Variants in ABCG1 observed in about 807,000 individuals in gnomAD.
ABCG1 encodes the protein ATP binding cassette subfamily G member 1.
In ABCG1, 29 loss-of-function variants were observed where a neutral mutation model predicts 69.2. The ratio of observed to expected loss-of-function variants is 0.42; its 90% CI spans 0.31 to 0.57. The LOEUF is 0.57. Among genes scored for constraint, ABCG1 ranks in the 20% least tolerant of loss-of-function variants. The pLI is 0.15. For synonymous variants in ABCG1, 370 were observed against 374.8 expected (o/e 0.99, Z 0.15); for missense variants, 718 against 898.1 (o/e 0.80, Z 2.56).
intron 7 of ABCG1, among the ~76,000 whole-genome samples, chr21:42,285,202 A>G (rs892839507): frequency 5.9e-5 from 9 of 152,042 alleles, no homozygotes; most frequent in Non-Finnish European, 1.2e-4. Context: ...TTTGGTTTAT[A>G]AATCTTAGGT....
chr21:42,229,938 C>T (rs2067876749), intron 2 of ABCG1, among the ~76,000 whole-genome samples: 1 of 152,200 alleles, frequency 6.6e-6, no homozygotes, highest in African/African-American at 2.4e-5. Flanking sequence ...CACATGATTT[C>T]CCCCAAAACA....
At chr21:42,257,956 C>T (rs142544282) in intron 2 of ABCG1, among the ~76,000 whole-genome samples, 1,689 of 148,252 alleles carry the variant, frequency 0.011, 14 homozygotes, top group Middle Eastern at 0.021. Context: ...GCCTCTCCAT[C>T]CATCCCTCCA....
Position 42,290,065 on chromosome 21 carries a change from C to T in ABCG1, c.1240C>T (p.Arg414Cys), listed in dbSNP as rs1304552863. ...IMRDSVLTHL[R>C]ITSHIGIGLL... is the part of the protein sequence containing the mutation. ...CTGTCCCCAGGTCCTGACACACCTG[C>T]GCATCACCTCGCACATTGGGATCGG... is the stretch of plus-strand genomic sequence containing the variant. The change falls in exon 11 of 15, where the codon CGC becomes TGC. Residue 414 changes from arginine to cysteine, a missense_variant. Physicochemically the swap from Arg to Cys is radical, Grantham distance 180 (BLOSUM62 -3). Around this residue, in one of 2 missense-constraint regions of ABCG1, gnomAD observed 514 missense variants for 574.3 expected, o/e 0.90. Transcript: ENST00000398449. 8 of 1,614,096 alleles carry T rather than the reference C, an allele frequency of 5.0e-6. No homozygotes were observed. The highest frequency in any genetic ancestry group is 6.8e-6 in the Non-Finnish European group (8 of 1,180,048).
chr21:42,262,295 T>C (rs1248761740), intron 2 of ABCG1, among the ~76,000 whole-genome samples: 1 of 150,934 alleles, frequency 6.6e-6, no homozygotes, highest in East Asian at 1.9e-4. Context: ...GCAAGAATTC[T>C]TCTTTTTTCT....
rs754848135 is a variant in ABCG1 at position 42,286,006 on chromosome 21, C to T, written c.973+12C>T. The T allele has an allele frequency of 1.9e-6, 3 of 1,572,776 alleles. No homozygotes were observed. The highest frequency in any genetic ancestry group is 1.4e-5 in the African/African-American group (1 of 74,014). The stretch of plus-strand genomic sequence containing the variant: ...CCCAGCAGATTTTGGTAAGCGGAGT[C>T]CTGAGCAGCTCGGGGGACAGAAAGG... On this transcript the variant is annotated intron_variant, in intron 8 of 14. Coordinates refer to ENST00000398449, the MANE Select transcript of ABCG1 (RefSeq NM_016818.3).
At chr21:42,266,291 A>C (rs1030084036) in intron 2 of ABCG1, among the ~76,000 whole-genome samples, 1 of 151,662 alleles carries the variant, frequency 6.6e-6, no homozygotes, top group South Asian at 2.1e-4. Context: ...ACAGAGCGAG[A>C]CTCTGTCTCA....
intron 2 of ABCG1, chr21:42,259,902 C>T (rs2068375853): frequency 1.4e-6 from 2 of 1,452,538 alleles, no homozygotes. Flanking sequence ...AAGAAGGCCC[C>T]CAGGCTTGAG....
Position 42,285,907 on chromosome 21 carries a change from G to A in ABCG1, c.886G>A (p.Val296Met), listed in dbSNP as rs760934588. ...QLYVLSQGQC[V>M]YRGKVCNLVP... ...TTACGTCCTGAGTCAAGGACAATGT[G>A]TGTACCGGGGAAAAGTCTGCAATCT... is the stretch of plus-strand genomic sequence containing the variant. Residue 296 changes from valine (V) to methionine (M), a missense_variant, in exon 8 of 15, where the codon GTG (valine) becomes ATG (methionine). Coordinates refer to ENST00000398449, the MANE Select transcript of ABCG1 (RefSeq NM_016818.3). The A allele has an allele frequency of 2.6e-5, 42 of 1,613,938 alleles. No individual in the cohort carries two copies. The highest frequency in any genetic ancestry group is 3.3e-5 in the Non-Finnish European group (39 of 1,179,964).
At position 42,219,899 on chromosome 21, in the gene ABCG1, C is replaced by G; in HGVS notation, c.42+595C>G. ...GGCGGCGAAGGCCCGGGGAGACCCG[C>G]GAGGGGCAAGCCCGGATTCCTGCCG... is the stretch of plus-strand genomic sequence containing the variant. On this transcript the variant is annotated intron_variant, in intron 1 of 14. Coordinates refer to ENST00000398449, the MANE Select transcript of ABCG1 (RefSeq NM_016818.3). This position sits in a 1 kb window ranked among gnomAD's most constrained non-coding sequence, Gnocchi z 5.3. 1 of 1,547,356 alleles carries G rather than the reference C, an allele frequency of 6.5e-7. No homozygotes were observed.
At chr21:42,213,274 G>A (rs2067607268), upstream of ABCG1, among the ~76,000 whole-genome samples, 1 of 152,246 alleles carries the variant, frequency 6.6e-6, no homozygotes, top group South Asian at 2.1e-4. Context: ...GAGGTGCCTG[G>A]AGTGCCTGCA....
At chr21:42,263,254 G>A (rs953207209) in intron 2 of ABCG1, among the ~76,000 whole-genome samples, 1 of 152,186 alleles carries the variant, frequency 6.6e-6, no homozygotes, top group African/African-American at 2.4e-5. Flanking sequence ...ATCTCAGAAA[G>A]GTGCCTTGAC....
intron 2 of ABCG1, among the ~76,000 whole-genome samples, chr21:42,243,006 T>C (rs935160650): frequency 6.6e-6 from 1 of 151,690 alleles, no homozygotes; most frequent in Non-Finnish European, 1.5e-5. Context: ...TAAAGAGGAG[T>C]TGATGGCCAT....
chr21:42,266,023 T>G (rs1046525389), intron 2 of ABCG1, among the ~76,000 whole-genome samples: 5 of 152,160 alleles, frequency 3.3e-5, no homozygotes, highest in Non-Finnish European at 7.3e-5. Context: ...AATATGAAGC[T>G]GGGTGTGGTG....
At chr21:42,206,026 C>T (rs2067539996) in intron 2 of ABCG1, among the ~76,000 whole-genome samples, 1 of 151,942 alleles carries the variant, frequency 6.6e-6, no homozygotes, top group Admixed American at 6.6e-5. Context: ...TTATATCTTC[C>T]TGTTATTGAT....
intron 2 of ABCG1, among the ~76,000 whole-genome samples, chr21:42,267,211 G>A (rs961462020): frequency 6.6e-5 from 10 of 152,310 alleles, no homozygotes; most frequent in South Asian, 2.1e-4. Context: ...TAGCGCTCTC[G>A]CGGGTTCTGG....
At chr21:42,224,152 C>T (rs542492718) in intron 1 of ABCG1, among the ~76,000 whole-genome samples, 1 of 152,324 alleles carries the variant, frequency 6.6e-6, no homozygotes, top group East Asian at 1.9e-4. Context: ...CACAGGGAAC[C>T]AGACCTAGAG....
rs199723651 is a variant in ABCG1, at chr21:42,225,733, G to A, written c.105G>A (p.Glu35=). The A allele has an allele frequency of 5.0e-6, 8 of 1,611,898 alleles. No individual in the cohort carries two copies. The highest frequency in any genetic ancestry group is 1.7e-6 in the Non-Finnish European group (2 of 1,179,288). Residue 35 remains glutamate (E), a synonymous_variant, in exon 2 of 15, where the codon GAG becomes GAA. Coordinates refer to ENST00000398449, the MANE Select transcript of ABCG1 (RefSeq NM_016818.3). The part of the protein sequence containing the change: ...EPKSVCVSVD[E]VVSSNMEATE... ...AGTCGGTGTGTGTCTCGGTGGATGA[G>A]GTGGTGTCCAGCAACATGGAGGCCA... is the stretch of plus-strand genomic sequence containing the variant.
At chr21:42,200,351 C>A (rs2123457420) in intron 1 of ABCG1, among the ~76,000 whole-genome samples, 2 of 152,330 alleles carry the variant, frequency 1.3e-5, no homozygotes, top group South Asian at 2.1e-4. Flanking sequence ...CATCCCATGG[C>A]TTCCCAGCCT....
At position 42,287,760 on chromosome 21, in the gene ABCG1, A is replaced by G. The variant is rs1252473852; in HGVS notation, c.974-129A>G. ...TGATAAATGATTTTGACGTCATGCC[A>G]TTAGCACCGCCACGCAGCATCTATG... On this transcript the variant is annotated intron_variant, in intron 8 of 14. Transcript: ENST00000398449. The surrounding 1 kb of genome is among the most constrained non-coding windows in gnomAD (Gnocchi z 6.2). 7.3e-6 allele frequency: 7 copies of G among 956,012 alleles called. No homozygotes were observed. Among genetic ancestry groups the G allele is most frequent in the African/African-American group, 6.5e-5 (4 of 61,296 alleles). The allele number at this position is 956,012 out of a possible 1,614,324, so 59.2% of individuals were successfully genotyped here.
Sources: allele counts gnomAD v4.1 joint callset (sites outside exome capture counted in the v4.1 genomes callset), GRCh38; gene constraint gnomAD v4.1.1; regional missense constraint gnomAD v4.1.1; non-coding constraint Gnocchi (gnomAD v3.1); transcripts MANE v1.5; gene names NCBI Gene and HGNC (gene_info 2026-07-23, HGNC 2026-07-21).